Variants in PLCL1 observed in about 807,000 individuals in gnomAD.
PLCL1 encodes the protein phospholipase C like 1 (inactive), also known as inactive phospholipase C-like protein 1.
PLCL1 carries 41 observed loss-of-function variants against 84.4 expected under a neutral mutation model. That is an observed-to-expected ratio of 0.49 (90% CI 0.38 to 0.63). The LOEUF (loss-of-function observed/expected upper bound fraction) is 0.63, where lower values mean the gene tolerates loss of function less well. Among genes scored for constraint, PLCL1 ranks in the 30% least tolerant of loss-of-function variants. PLCL1 has a pLI of 0.00. For missense variants in PLCL1, 1,206 were observed against 1,367.8 expected (o/e 0.88, Z 1.87); for synonymous variants, 490 against 488.3 (o/e 1.00, Z -0.05).
intron 1 of PLCL1, among the ~76,000 whole-genome samples, chr2:198,060,880 T>G (rs568049005): frequency 6.6e-5 from 10 of 152,162 alleles, no homozygotes; most frequent in Non-Finnish European, 1.3e-4. Context: ...ACATAAGGAA[T>G]GTTAATCGGA....
chr2:198,092,042 T>C (rs548133440), intron 3 of PLCL1, among the ~76,000 whole-genome samples: 51 of 151,904 alleles, frequency 3.4e-4, no homozygotes, highest in Non-Finnish European at 5.0e-4. Context: ...CGCTCCCAAC[T>C]GCACCTGCAT....
At chr2:197,939,995 TAC>T (rs763194346) in intron 1 of PLCL1, among the ~76,000 whole-genome samples, 2 of 152,182 alleles carry the variant, frequency 1.3e-5, no homozygotes, top group South Asian at 2.1e-4. Context: ...GTTGTTAGTT[TAC>T]AGAGTCTCCC....
chr2:197,897,529 A>T (rs1249964570), intron 1 of PLCL1, among the ~76,000 whole-genome samples: 1 of 152,162 alleles, frequency 6.6e-6, no homozygotes, highest in Non-Finnish European at 1.5e-5. Flanking sequence ...ATATCAGAAT[A>T]ATAAGGGTAC....
At chr2:197,909,615 T>C (rs1688446149) in intron 1 of PLCL1, among the ~76,000 whole-genome samples, 1 of 152,166 alleles carries the variant, frequency 6.6e-6, no homozygotes, top group Non-Finnish European at 1.5e-5. Flanking sequence ...CCAGAGGCTC[T>C]TTGGTTACTC....
At chr2:198,028,253 C>A (rs1271296632) in intron 1 of PLCL1, among the ~76,000 whole-genome samples, 2 of 152,078 alleles carry the variant, frequency 1.3e-5, no homozygotes, top group African/African-American at 4.8e-5. Flanking sequence ...AATAAAAATG[C>A]ACATATTACA....
chr2:197,968,023 A>G (rs1232131927), intron 1 of PLCL1, among the ~76,000 whole-genome samples: 2 of 152,196 alleles, frequency 1.3e-5, no homozygotes, highest in African/African-American at 2.4e-5. Flanking sequence ...TTGAGAACAT[A>G]GCCATTATTG....
chr2:198,015,931 T>A (rs188693548), intron 1 of PLCL1, among the ~76,000 whole-genome samples: 2 of 152,290 alleles, frequency 1.3e-5, no homozygotes, highest in Admixed American at 6.5e-5. Context: ...GAAGGTAAAC[T>A]TTTTTTACAA....
At chr2:197,830,029 G>A (rs1049578185) in intron 1 of PLCL1, among the ~76,000 whole-genome samples, 3 of 152,046 alleles carry the variant, frequency 2.0e-5, no homozygotes, top group Non-Finnish European at 2.9e-5. Context: ...ACATCACATC[G>A]TAAGCCCCAT....
chr2:197,874,385 A>G (rs929466660), intron 1 of PLCL1, among the ~76,000 whole-genome samples: 3 of 152,158 alleles, frequency 2.0e-5, no homozygotes, highest in Admixed American at 6.5e-5. Context: ...AAAAGAAAAT[A>G]AAAATAATTA....
At chr2:197,943,711 T>G (rs1466535154) in intron 1 of PLCL1, among the ~76,000 whole-genome samples, 1 of 151,322 alleles carries the variant, frequency 6.6e-6, no homozygotes, top group Non-Finnish European at 1.5e-5. Flanking sequence ...AATGTGTGGC[T>G]GCCTTTTGTA....
At position 197,934,170 on chromosome 2, in the gene PLCL1, G is replaced by A. The variant is rs1464776108; in HGVS notation, c.240+128831G>A. On this transcript the variant is annotated intron_variant, in intron 1 of 5. Coordinates refer to ENST00000428675, the MANE Select transcript of PLCL1 (RefSeq NM_006226.4). ...TTTCTTATCTCAGTAAAAACAGTTT[G>A]GTTTGCCAGCAAGTTTTTTTGTTTG... Among the ~76,000 whole-genome samples, 13 of 152,234 alleles carry A rather than the reference G, an allele frequency of 8.5e-5. 1 individual carries two copies. The highest frequency in any genetic ancestry group is 7.9e-4 in the Admixed American group (12 of 15,282).
At chr2:197,975,147 CAAAAAAAA>C (rs71015804) in intron 1 of PLCL1, among the ~76,000 whole-genome samples, 1 of 19,910 alleles carries the variant, frequency 5.0e-5, no homozygotes, top group African/African-American at 1.7e-4. Context: ...GACTCCATCT[CAAAAAAAA>C]AAAAAAAAAA....
chr2:198,001,218 C>T (rs1690592992), intron 1 of PLCL1, among the ~76,000 whole-genome samples: 1 of 152,138 alleles, frequency 6.6e-6, no homozygotes, highest in Non-Finnish European at 1.5e-5. Context: ...TTGTGATTAC[C>T]ATGGAGACAA....
intron 1 of PLCL1, among the ~76,000 whole-genome samples, chr2:197,843,354 A>G (rs1227491777): frequency 6.6e-6 from 1 of 152,202 alleles, no homozygotes; most frequent in Non-Finnish European, 1.5e-5. Context: ...GGTTCAGATT[A>G]ATCACTAATT....
intron 1 of PLCL1, among the ~76,000 whole-genome samples, chr2:197,963,232 A>C (rs889808769): frequency 4.6e-5 from 7 of 152,018 alleles, no homozygotes; most frequent in African/African-American, 1.7e-4. Flanking sequence ...TTTTCTTCAC[A>C]TCCTTGTCAG....
At chr2:198,001,900 CT>C in intron 1 of PLCL1, 1 of 394,190 alleles carries the variant, frequency 2.5e-6, no homozygotes. Flanking sequence ...TTACGTGTTC[CT>C]TATAAGAATC....
chr2:197,874,212 T>A (rs1003828152), intron 1 of PLCL1, among the ~76,000 whole-genome samples: 1 of 152,158 alleles, frequency 6.6e-6, no homozygotes, highest in African/African-American at 2.4e-5. Flanking sequence ...TATTTCAAAT[T>A]TTCCCACTTT....
intron 1 of PLCL1, among the ~76,000 whole-genome samples, chr2:198,003,719 C>G (rs966237266): frequency 6.6e-6 from 1 of 152,132 alleles, no homozygotes; most frequent in Non-Finnish European, 1.5e-5. Flanking sequence ...ATATGGCCTA[C>G]GCAGAAGAAT....
At chr2:198,136,650 C>A (rs1033610531) in intron 5 of PLCL1, among the ~76,000 whole-genome samples, 2 of 152,042 alleles carry the variant, frequency 1.3e-5, no homozygotes, top group African/African-American at 4.8e-5. Flanking sequence ...CTTGTGGGGG[C>A]TCATGGGTGC....
Sources: gnomAD v4.1 joint callset for allele counts (sites outside exome capture counted in the v4.1 genomes callset) on GRCh38, gnomAD v4.1.1 for gene constraint, MANE v1.5 for transcripts, NCBI Gene and HGNC (gene_info 2026-07-23, HGNC 2026-07-21) for gene names.